The following CSMD3 variants were observed in gnomAD, a reference collection of about 807,000 sequenced individuals.
CSMD3 encodes the protein CUB and sushi domain-containing protein 3.
Under a neutral mutation model 435.2 loss-of-function variants are expected in CSMD3, and 177 were observed. That is an observed-to-expected ratio of 0.41 (90% confidence interval 0.36 to 0.46). CSMD3 has a LOEUF of 0.46. Ranked by LOEUF, CSMD3 falls within the 20% of genes least tolerant of loss-of-function variation. CSMD3 has a pLI of 0.34. For synonymous variants in CSMD3, 1,656 were observed against 1,520.5 expected (o/e 1.09, Z -2.07); for missense variants, 4,265 against 4,504.6 (o/e 0.95, Z 1.52).
chr8:112,810,845 T>A (rs952734447), intron 12 of CSMD3, among the ~76,000 whole-genome samples: 1 of 152,128 alleles, frequency 6.6e-6, no homozygotes, highest in Non-Finnish European at 1.5e-5. Context: ...TAGGGTTAAG[T>A]TACACCTTAG....
chr8:113,432,932 C>G (rs999040556), intron 1 of CSMD3, among the ~76,000 whole-genome samples: 1 of 152,192 alleles, frequency 6.6e-6, no homozygotes, highest in Non-Finnish European at 1.5e-5. Flanking sequence ...CTCCTCCCAG[C>G]AGCACACACG....
intron 3 of CSMD3, among the ~76,000 whole-genome samples, chr8:113,230,837 T>C (rs1166760142): frequency 6.6e-6 from 1 of 151,566 alleles, no homozygotes; most frequent in Non-Finnish European, 1.5e-5. Flanking sequence ...ATAAAATTTC[T>C]CATGTAATAA....
chr8:112,968,187 T>C (rs2084496939), intron 7 of CSMD3, among the ~76,000 whole-genome samples: 1 of 151,966 alleles, frequency 6.6e-6, no homozygotes. Flanking sequence ...TGGCCACTTC[T>C]ATGTTTGTTT....
intron 11 of CSMD3, among the ~76,000 whole-genome samples, chr8:112,831,515 A>G (rs1252325092): frequency 6.6e-6 from 1 of 150,826 alleles, no homozygotes; most frequent in East Asian, 2.0e-4. Flanking sequence ...ATTCGTGTAC[A>G]TTGAATGCAT....
At chr8:112,317,721 T>G (rs1368112707) in intron 47 of CSMD3, among the ~76,000 whole-genome samples, 1 of 151,982 alleles carries the variant, frequency 6.6e-6, no homozygotes, top group Non-Finnish European at 1.5e-5. Context: ...CACACCCACT[T>G]TCCTGCTTTT....
At chr8:113,202,894 T>C (rs2092729395) in intron 3 of CSMD3, among the ~76,000 whole-genome samples, 1 of 152,168 alleles carries the variant, frequency 6.6e-6, no homozygotes, top group African/African-American at 2.4e-5. Flanking sequence ...AATACATTTT[T>C]CACCTGAGCA....
chr8:113,256,183 T>A (rs1160273465), intron 3 of CSMD3, among the ~76,000 whole-genome samples: 2 of 152,104 alleles, frequency 1.3e-5, no homozygotes, highest in Non-Finnish European at 2.9e-5. Context: ...ATGAAATTAA[T>A]CTCTGGTTGT....
At position 113,348,720 on chromosome 8, in the gene CSMD3, CTTA is replaced by C. The variant is rs151069685; in HGVS notation, c.179-33930_179-33928del. On this transcript the variant is annotated intron_variant, in intron 1 of 70. Transcript: ENST00000297405. ...AGAAGGAATGCTCAAAGACACAGTT[CTTA>C]TTGTTGTTTTGGGGTTTTTTTATTT... is the stretch of plus-strand genomic sequence containing the variant. 7.1e-3 allele frequency among the ~76,000 whole-genome samples: 1,081 copies of C among 151,934 alleles called. 10 individuals carry two copies. Among genetic ancestry groups the C allele is most frequent in the African/African-American group, 0.025 (1,039 of 41,488 alleles).
Position 113,262,185 on chromosome 8 carries a change from G to A in CSMD3, c.514+16407C>T, listed in dbSNP as rs537626478. Among the ~76,000 whole-genome samples the A allele has an allele frequency of 2.0e-5, 3 of 152,136 alleles. No homozygotes were observed. In the South Asian group the frequency reaches 6.2e-4, roughly 32 times the overall value. On this transcript the variant is annotated intron_variant, in intron 3 of 70. Transcript: ENST00000297405. ...ATATATGATTATGATTGAAATGTTT[G>A]TAACCTATAAGAGGAAGTACAAAGA...
intron 38 of CSMD3, among the ~76,000 whole-genome samples, chr8:112,370,579 C>T (rs1828294208): frequency 6.6e-6 from 1 of 152,082 alleles, no homozygotes; most frequent in Non-Finnish European, 1.5e-5. Flanking sequence ...TAGCTGTTCC[C>T]TAAAGCAGTA....
chr8:112,982,440 A>C (rs774424009), intron 6 of CSMD3, among the ~76,000 whole-genome samples: 1 of 151,876 alleles, frequency 6.6e-6, no homozygotes, highest in Non-Finnish European at 1.5e-5. Flanking sequence ...CTGAATCTTT[A>C]GATCTTTTTG....
intron 2 of CSMD3, among the ~76,000 whole-genome samples, chr8:113,295,387 A>T (rs2132551014): frequency 6.6e-6 from 1 of 152,262 alleles, no homozygotes; most frequent in Non-Finnish European, 1.5e-5. Flanking sequence ...ATTTACATAT[A>T]ATATGAAGGT....
chr8:112,747,697 C>T (rs2077465190), intron 13 of CSMD3, among the ~76,000 whole-genome samples: 1 of 152,188 alleles, frequency 6.6e-6, no homozygotes, highest in South Asian at 2.1e-4. Context: ...AACAGGCGGC[C>T]GGGCGCGGTG....
chr8:113,406,545 G>A (rs567812233), intron 1 of CSMD3, among the ~76,000 whole-genome samples: 11 of 152,022 alleles, frequency 7.2e-5, no homozygotes, highest in East Asian at 1.9e-4. Context: ...AAGCAATGTG[G>A]GTTGTAGTCT....
At chr8:112,242,532 T>C (rs367834231) in intron 65 of CSMD3, among the ~76,000 whole-genome samples, 3 of 151,972 alleles carry the variant, frequency 2.0e-5, no homozygotes, top group African/African-American at 4.8e-5. Flanking sequence ...AGTTAGAGTA[T>C]GATAGCAGTG....
chr8:112,505,372 TA>T (rs1822392105), intron 29 of CSMD3, among the ~76,000 whole-genome samples: 1 of 152,138 alleles, frequency 6.6e-6, no homozygotes, highest in African/African-American at 2.4e-5. Flanking sequence ...CATTACTTAT[TA>T]CCCTTGTTCT....
intron 1 of CSMD3, among the ~76,000 whole-genome samples, chr8:113,333,810 CT>C (rs2094047256): frequency 1.3e-5 from 2 of 151,750 alleles, no homozygotes; most frequent in Admixed American, 6.6e-5. Flanking sequence ...TACAAAAAGT[CT>C]TGTTGAAATA....
In CSMD3 at chr8:112,412,935, A is replaced by T. The variant is rs543348938; in HGVS notation, c.5396-3903T>A. On this transcript the variant is annotated intron_variant, in intron 32 of 70. Transcript: ENST00000297405. ...TAGGCTGGCCAATTAATTATAAACC[A>T]ACAATAGGGAACTTTGGGTACATAT... is the stretch of plus-strand genomic sequence containing the variant. Among the ~76,000 whole-genome samples, 11 of 152,276 alleles carry T rather than the reference A, an allele frequency of 7.2e-5. No homozygotes were observed. In the South Asian group the frequency reaches 1.7e-3, roughly 23 times the overall value.
chr8:112,948,757 A>C (rs1012873351), intron 8 of CSMD3, among the ~76,000 whole-genome samples: 1 of 152,120 alleles, frequency 6.6e-6, no homozygotes, highest in Admixed American at 6.6e-5. Flanking sequence ...AGAGAGAAAA[A>C]AAATCTAAAC....
Sources: gnomAD v4.1 joint callset for allele counts (sites outside exome capture counted in the v4.1 genomes callset) on GRCh38, gnomAD v4.1.1 for gene constraint, MANE v1.5 for transcripts, NCBI Gene and HGNC (gene_info 2026-07-23, HGNC 2026-07-21) for gene names.